The following OTOGL variants were observed in gnomAD, a reference collection of about 807,000 sequenced individuals.
The protein encoded by OTOGL is otogelin like, also known as otogelin-like protein.
Under a neutral mutation model 318.5 loss-of-function variants are expected in OTOGL, and 285 were observed. The ratio of observed to expected loss-of-function variants is 0.89; its 90% CI spans 0.81 to 0.99. OTOGL has a LOEUF of 0.99. OTOGL is among the 50% of genes least tolerant of loss of function. The pLI is 0.00. For synonymous variants in OTOGL, 987 were observed against 936.5 expected (o/e 1.05, Z -0.99); for missense variants, 2,899 against 2,845.6 (o/e 1.02, Z -0.43).
intron 26 of OTOGL, among the ~76,000 whole-genome samples, chr12:80,285,902 C>A (rs1207723936): frequency 6.6e-6 from 1 of 152,104 alleles, no homozygotes; most frequent in Non-Finnish European, 1.5e-5. Flanking sequence ...GAACTTCCAA[C>A]ACTATGTTGA....
intron 57 of OTOGL, 41 bp from the exon 58 acceptor site, chr12:80,377,082 C>A: frequency 7.2e-7 from 1 of 1,381,162 alleles, no homozygotes; most frequent in Non-Finnish European, 1.0e-6. Flanking sequence ...AACAATTTAA[C>A]GTAGGCCTTT....
chr12:80,198,564 C>A (rs1469732231), intron 1 of OTOGL, among the ~76,000 whole-genome samples: 1 of 152,060 alleles, frequency 6.6e-6, no homozygotes, highest in East Asian at 1.9e-4. Context: ...AGCTTGGCGA[C>A]AGAGCAAGAC....
intron 1 of OTOGL, among the ~76,000 whole-genome samples, chr12:80,150,782 C>T (rs747308859): frequency 1.1e-4 from 16 of 152,118 alleles, no homozygotes; most frequent in Non-Finnish European, 1.9e-4. Context: ...TGTGCAGATT[C>T]TCTGAAGCTC....
intron 56 of OTOGL, among the ~76,000 whole-genome samples, chr12:80,371,079 G>A (rs1890850518): frequency 6.6e-6 from 1 of 152,054 alleles, no homozygotes; most frequent in Non-Finnish European, 1.5e-5. Flanking sequence ...ATGCTGGCCT[G>A]TATGATGTTT....
chr12:80,106,947 C>G (rs1869490821), intron 1 of OTOGL, among the ~76,000 whole-genome samples: 1 of 151,204 alleles, frequency 6.6e-6, no homozygotes, highest in South Asian at 2.1e-4. Context: ...TAATGAATTA[C>G]CAATTTGACA....
At chr12:80,216,013 G>C (rs1043117327) in intron 4 of OTOGL, among the ~76,000 whole-genome samples, 1 of 152,130 alleles carries the variant, frequency 6.6e-6, no homozygotes, top group African/African-American at 2.4e-5. Context: ...TAGTGAGAGA[G>C]TGTGTCTTTT....
At chr12:80,375,000 A>G (rs1031461844) in intron 57 of OTOGL, among the ~76,000 whole-genome samples, 1 of 152,162 alleles carries the variant, frequency 6.6e-6, no homozygotes, top group Non-Finnish European at 1.5e-5. Context: ...AGGCCTGTCC[A>G]GTATCTGGGC....
chr12:80,135,661 C>A (rs1319024582), intron 1 of OTOGL, among the ~76,000 whole-genome samples: 1 of 152,146 alleles, frequency 6.6e-6, no homozygotes, highest in Non-Finnish European at 1.5e-5. Context: ...ATTTCAATAT[C>A]TGTAATGGTT....
chr12:80,358,438 C>G (rs940716377), intron 50 of OTOGL, 89 bp downstream of exon 50: 2 of 1,112,670 alleles, frequency 1.8e-6, no homozygotes, highest in Admixed American at 2.4e-5. Context: ...ACATCAGACC[C>G]TTTTTCAAAG....
intron 57 of OTOGL, among the ~76,000 whole-genome samples, chr12:80,373,101 T>C (rs1890980443): frequency 6.6e-6 from 1 of 152,124 alleles, no homozygotes; most frequent in Admixed American, 6.6e-5. Context: ...AAAATTAGCA[T>C]AGACAGTAAT....
chr12:80,356,535 T>C lies in OTOGL; in HGVS notation c.5911+15T>C, dbSNP rs750505574. The C allele has an allele frequency of 1.3e-6, 2 of 1,549,250 alleles. No individual in the cohort carries two copies. The highest frequency in any genetic ancestry group is 2.8e-5 in the African/African-American group (2 of 72,710). On this transcript the variant is annotated intron_variant, in intron 48 of 58. Coordinates refer to ENST00000547103, the MANE Select transcript of OTOGL (RefSeq NM_001378609.3). ...GTACAAATGTGGTAAGTAATCAATA[T>C]AGAAAATTAAGAGTGAGGTTCATTG...
At chr12:80,227,152 T>C (rs1193899917) in intron 7 of OTOGL, among the ~76,000 whole-genome samples, 1 of 152,150 alleles carries the variant, frequency 6.6e-6, no homozygotes, top group Non-Finnish European at 1.5e-5. Flanking sequence ...TTTCCACTTT[T>C]TTCCTTTTTT....
chr12:80,284,091 A>C (rs1452538559), intron 26 of OTOGL, among the ~76,000 whole-genome samples: 1 of 151,936 alleles, frequency 6.6e-6, no homozygotes, highest in Admixed American at 6.6e-5. Context: ...ATGTGTTCTC[A>C]TTGTTCAACT....
At chr12:80,332,893 G>A in intron 37 of OTOGL, 112 bp from the exon 38 acceptor site, 1 of 799,256 alleles carries the variant, frequency 1.3e-6, no homozygotes, top group Non-Finnish European at 2.0e-6. Context: ...TTCTAGGAAG[G>A]AATATGTGAA....
intron 1 of OTOGL, among the ~76,000 whole-genome samples, chr12:80,158,013 G>A (rs1873242332): frequency 1.3e-5 from 2 of 151,766 alleles, no homozygotes; most frequent in African/African-American, 4.8e-5. Context: ...TTCTTATATG[G>A]TGGGTTTAAA....
At chr12:80,375,132 C>T (rs1891108111) in intron 57 of OTOGL, among the ~76,000 whole-genome samples, 1 of 152,162 alleles carries the variant, frequency 6.6e-6, no homozygotes, top group Non-Finnish European at 1.5e-5. Flanking sequence ...TTAGAAAACC[C>T]TTTCCTGCCG....
rs542843882 is a variant in OTOGL, at chr12:80,321,589, A to G, written c.4081+889A>G. On this transcript the variant is annotated intron_variant, in intron 34 of 58. Coordinates refer to ENST00000547103, the MANE Select transcript of OTOGL (RefSeq NM_001378609.3). ...TGAAAGTATAATAAAAAATAAAAAA[A>G]TAAAAAATAAAAAAAAATTTTACCT... 6.6e-5 allele frequency among the ~76,000 whole-genome samples: 10 copies of G among 151,602 alleles called. No individual in the cohort carries two copies. In the East Asian group the frequency reaches 1.7e-3, roughly 26 times the overall value.
At chr12:80,112,520 G>A (rs984999335) in intron 1 of OTOGL, among the ~76,000 whole-genome samples, 5 of 152,072 alleles carry the variant, frequency 3.3e-5, no homozygotes, top group Non-Finnish European at 5.9e-5. Context: ...TTTTATCATT[G>A]TTTCTGTTTA....
chr12:80,359,494 A>G (rs922393216), intron 52 of OTOGL, among the ~76,000 whole-genome samples: 1 of 152,144 alleles, frequency 6.6e-6, no homozygotes, highest in African/African-American at 2.4e-5. Flanking sequence ...GGCGCTATTT[A>G]TTAGAGAAGA....
Sources: gnomAD v4.1 joint callset for allele counts (sites outside exome capture counted in the v4.1 genomes callset) on GRCh38, gnomAD v4.1.1 for gene constraint, MANE v1.5 for transcripts, NCBI Gene and HGNC (gene_info 2026-07-23, HGNC 2026-07-21) for gene names.